Variants in NXPH1 observed in about 807,000 individuals in gnomAD.
NXPH1 encodes neurexophilin 1.
NXPH1 carries 5 observed loss-of-function variants against 23.7 expected under a neutral mutation model. The observed-to-expected ratio is 0.21, with a 90% CI of 0.11 to 0.44. The LOEUF (loss-of-function observed/expected upper bound fraction) is 0.44. NXPH1 is among the 20% of genes least tolerant of loss of function. The probability of loss-of-function intolerance (pLI) is 0.99; values close to 1 mark genes in which losing one functional copy is unlikely to be tolerated. For synonymous variants in NXPH1, 144 were observed against 122.2 expected (o/e 1.18, Z -1.18); for missense variants, 324 against 321.6 (o/e 1.01, Z -0.06).
At chr7:8,469,681 G>A (rs375587508) in intron 2 of NXPH1, among the ~76,000 whole-genome samples, 9 of 152,038 alleles carry the variant, frequency 5.9e-5, no homozygotes, top group African/African-American at 1.2e-4. Flanking sequence ...TAATTCTATC[G>A]AATTGTGGAT....
chr7:8,594,137 A>C (rs1186521691), intron 2 of NXPH1, among the ~76,000 whole-genome samples: 1 of 152,076 alleles, frequency 6.6e-6, no homozygotes, highest in East Asian at 1.9e-4. Flanking sequence ...ACGTTTTACT[A>C]GACCACCACA....
chr7:8,668,062 T>TTTAATCTGTG (rs71017616), intron 2 of NXPH1, among the ~76,000 whole-genome samples: 1 of 151,218 alleles, frequency 6.6e-6, no homozygotes, highest in Non-Finnish European at 1.5e-5. Context: ...AAAAAATTAT[T>TTTAATCTGTG]TTAAATTTCT....
At chr7:8,475,639 A>C (rs1016086162) in intron 2 of NXPH1, among the ~76,000 whole-genome samples, 1 of 152,122 alleles carries the variant, frequency 6.6e-6, no homozygotes, top group African/African-American at 2.4e-5. Flanking sequence ...TTTAGTGTTC[A>C]AAGGTTTTCT....
chr7:8,737,290 A>C (rs1486627713), intron 2 of NXPH1, among the ~76,000 whole-genome samples: 1 of 152,124 alleles, frequency 6.6e-6, no homozygotes, highest in Non-Finnish European at 1.5e-5. Context: ...TTGTATATTT[A>C]GTGCTTCCTT....
At chr7:8,731,033 C>T (rs1780144313) in intron 2 of NXPH1, among the ~76,000 whole-genome samples, 2 of 143,590 alleles carry the variant, frequency 1.4e-5, no homozygotes, top group South Asian at 4.4e-4. Flanking sequence ...GGAGGCTTTG[C>T]TCTTTTCTTT....
intron 2 of NXPH1, among the ~76,000 whole-genome samples, chr7:8,675,620 C>G (rs942973949): frequency 6.6e-6 from 1 of 152,066 alleles, no homozygotes; most frequent in African/African-American, 2.4e-5. Context: ...AGACAACTTC[C>G]GTACAATATG....
intron 2 of NXPH1, among the ~76,000 whole-genome samples, chr7:8,562,513 G>GTT (rs5882173): frequency 2.8e-5 from 4 of 145,098 alleles, no homozygotes; most frequent in South Asian, 2.2e-4. Flanking sequence ...AATGAAATGA[G>GTT]TTTTTTTTTT....
chr7:8,506,987 G>A (rs1050220738), intron 2 of NXPH1, among the ~76,000 whole-genome samples: 1 of 149,424 alleles, frequency 6.7e-6, no homozygotes, highest in African/African-American at 2.6e-5. Context: ...AGATTTGCAT[G>A]TCAAGTGCCC....
chr7:8,718,857 G>A (rs1779919581), intron 2 of NXPH1, among the ~76,000 whole-genome samples: 2 of 152,208 alleles, frequency 1.3e-5, no homozygotes, highest in Non-Finnish European at 2.9e-5. Flanking sequence ...TCCACCAAAC[G>A]AAGCAAATAT....
chr7:8,698,495 C>T (rs1326158652), intron 2 of NXPH1, among the ~76,000 whole-genome samples: 2 of 152,090 alleles, frequency 1.3e-5, no homozygotes, highest in Non-Finnish European at 2.9e-5. Context: ...TTTGTAATTG[C>T]TATCTTATTG....
intron 2 of NXPH1, among the ~76,000 whole-genome samples, chr7:8,560,586 T>C (rs1320219592): frequency 6.6e-6 from 1 of 151,588 alleles, no homozygotes; most frequent in Non-Finnish European, 1.5e-5. Context: ...TCCAAGGCAA[T>C]GGGGCCCTAA....
intron 2 of NXPH1, among the ~76,000 whole-genome samples, chr7:8,449,112 A>G (rs1816459230): frequency 6.6e-6 from 1 of 152,262 alleles, no homozygotes; most frequent in South Asian, 2.1e-4. Context: ...TTCAAAGTCC[A>G]GGGGCCTTTG....
intron 2 of NXPH1, among the ~76,000 whole-genome samples, chr7:8,620,707 A>G (rs1819849895): frequency 6.6e-6 from 1 of 152,252 alleles, no homozygotes; most frequent in Non-Finnish European, 1.5e-5. Flanking sequence ...CTTTAGAATT[A>G]TACGAACCAA....
At chr7:8,704,554 G>C (rs551828302) in intron 2 of NXPH1, among the ~76,000 whole-genome samples, 1 of 152,240 alleles carries the variant, frequency 6.6e-6, no homozygotes, top group East Asian at 1.9e-4. Context: ...GGGGTTTCTG[G>C]AATTCTACAG....
In NXPH1 at chr7:8,740,700, GT is replaced by G. The variant is rs970662585; in HGVS notation, c.55-10302del. Reference sequence around the variant, plus strand: ...AAATGATGTACCTTTTTTGTTGCTTGTTTTTTGCTTTTGTTTTTTTTTTCCT... The same window carrying G: ...AAATGATGTACCTTTTTTGTTGCTTGTTTTTGCTTTTGTTTTTTTTTTCCT... On this transcript the variant is annotated intron_variant, in intron 2 of 2. Transcript: ENST00000405863. 6.6e-5 allele frequency among the ~76,000 whole-genome samples: 10 copies of G among 150,510 alleles called. No homozygotes were observed. In the South Asian group the frequency reaches 1.5e-3, roughly 22 times the overall value.
chr7:8,744,234 G>C (rs1300182151), intron 2 of NXPH1, among the ~76,000 whole-genome samples: 1 of 152,176 alleles, frequency 6.6e-6, no homozygotes, highest in Non-Finnish European at 1.5e-5. Context: ...CTGAAACAAT[G>C]AGACACATCA....
At chr7:8,618,047 C>A (rs1314494438) in intron 2 of NXPH1, among the ~76,000 whole-genome samples, 1 of 152,018 alleles carries the variant, frequency 6.6e-6, no homozygotes, top group Non-Finnish European at 1.5e-5. Context: ...ATTAAAAAAA[C>A]TTCCAGATTT....
At chr7:8,483,965 C>CTT (rs60436502) in intron 2 of NXPH1, among the ~76,000 whole-genome samples, 13 of 132,320 alleles carry the variant, frequency 9.8e-5, no homozygotes, top group South Asian at 2.3e-4. Flanking sequence ...CTCCCCCCAC[C>CTT]TTTTTTTTTT....
rs567779499 is a variant in NXPH1, at chr7:8,695,067, C to T, written c.55-55941C>T. 2.6e-4 allele frequency among the ~76,000 whole-genome samples: 40 copies of T among 152,214 alleles called. 2 individuals carry two copies. The highest frequency in any genetic ancestry group is 2.1e-3 in the Admixed American group (32 of 15,282). On this transcript the variant is annotated intron_variant, in intron 2 of 2. Coordinates refer to ENST00000405863, the MANE Select transcript of NXPH1 (RefSeq NM_152745.3). ...GGATATCAACTTTTATTAAAACAGT[C>T]CTTTTAGGAAAAAACATGAAATATT...
Sources: gnomAD v4.1 joint callset for allele counts (sites outside exome capture counted in the v4.1 genomes callset) on GRCh38, gnomAD v4.1.1 for gene constraint, MANE v1.5 for transcripts, NCBI Gene and HGNC (gene_info 2026-07-23, HGNC 2026-07-21) for gene names.